SPTBN2: variants seen among roughly 807,000 people sequenced by gnomAD.
SPTBN2 encodes spectrin beta, non-erythrocytic 2.
Under a neutral mutation model 284.2 loss-of-function variants are expected in SPTBN2, and 107 were observed. That is an observed-to-expected ratio of 0.38 (90% CI 0.32 to 0.44). The LOEUF (loss-of-function observed/expected upper bound fraction) is 0.44, where lower values mean the gene tolerates loss of function less well. Among genes scored for constraint, SPTBN2 ranks in the 20% least tolerant of loss-of-function variants. SPTBN2 has a pLI of 1.00. For synonymous variants in SPTBN2, 1,289 were observed against 1,354.8 expected, an observed-to-expected ratio of 0.95 and a Z score of 1.07; for missense variants, 2,569 against 3,287.1, an observed-to-expected ratio of 0.78 and a Z score of 5.34.
Position 66,693,725 on chromosome 11 carries a change from G to C in SPTBN2, c.4593+47C>G. ...CTTAAGAAAAAACACGTCCAAGTCTGGGCAGGCTCCTGGGAACTTCTCTTT... is the reference window on the plus strand; with the variant it reads ...CTTAAGAAAAAACACGTCCAAGTCTCGGCAGGCTCCTGGGAACTTCTCTTT... On this transcript the variant is annotated intron_variant, in intron 23 of 37. Transcript: ENST00000533211. The surrounding 1 kb of genome is among the most constrained non-coding windows in gnomAD (Gnocchi z 5.7). 6.4e-7 allele frequency: 1 copy of C among 1,560,536 alleles called. No individual in the cohort carries two copies. The highest frequency in any genetic ancestry group is 1.2e-5 in the South Asian group (1 of 86,712).
rs767280177 is a variant in SPTBN2 at position 66,698,666 on chromosome 11, G to A, written c.3987C>T (p.Asn1329=). The change falls in exon 20 of 38, where the codon AAC becomes AAT. Residue 1329 remains asparagine (N), a synonymous_variant. Transcript: ENST00000533211. ...TGTCCACCTTGTCCAGCCAGTCTTT[G>A]TTGGCAGCCAGCTCGGCCATGAATG... The part of the protein sequence containing the change: ...HQAFMAELAA[N]KDWLDKVDKE... 2 of 1,614,258 alleles carry A rather than the reference G, an allele frequency of 1.2e-6. No individual in the cohort carries two copies. The highest frequency in any genetic ancestry group is 3.3e-5 in the Admixed American group (2 of 60,036).
Position 66,691,585 on chromosome 11 carries a change from T to C in SPTBN2, c.5264A>G (p.Asn1755Ser). 7.4e-6 allele frequency: 12 copies of C among 1,613,788 alleles called. No homozygotes were observed. The highest frequency in any genetic ancestry group is 5.0e-5 in the Admixed American group (3 of 60,032). Reference sequence around the variant, plus strand: ...AGCAATGAGCCCATTGGCCAGCGCATTGGCGCTATCTACGCGCTCCTGACC... The same window carrying C: ...AGCAATGAGCCCATTGGCCAGCGCACTGGCGCTATCTACGCGCTCCTGACC... ...TIGQERVDSA[N>S]ALANGLIAGG... The change falls in exon 27 of 38, where the codon AAT becomes AGT. Residue 1755 changes from asparagine (N) to serine (S), a missense_variant. Coordinates refer to ENST00000533211, the MANE Select transcript of SPTBN2 (RefSeq NM_006946.4). This position sits in a 1 kb window ranked among gnomAD's most constrained non-coding sequence, Gnocchi z 8.0.
Position 66,700,851 on chromosome 11 carries a change from C to A in SPTBN2, c.3248G>T (p.Arg1083Leu), listed in dbSNP as rs367949397. The A allele has an allele frequency of 6.2e-7, 1 of 1,600,044 alleles. No individual in the cohort carries two copies. The highest frequency in any genetic ancestry group is 1.1e-5 in the South Asian group (1 of 91,072). The change falls in exon 17 of 38, where the codon CGC becomes CTC. Residue 1083 changes from arginine (R) to leucine (L), a missense_variant. By Grantham distance (102) the Arg-to-Leu change is moderately radical. This residue lies in a region of SPTBN2 where 1,012 missense variants were observed against 1,248.9 expected (regional missense o/e 0.81). Coordinates refer to ENST00000533211, the MANE Select transcript of SPTBN2 (RefSeq NM_006946.4). The surrounding 1 kb of genome is among the most constrained non-coding windows in gnomAD (Gnocchi z 6.6). ...SLDDFQAWLG[R>L]TQTAVASEEG... ...TTCAGAGGCCACAGCAGTCTGAGTG[C>A]GGCCTAGCCAGGCCTGGAAGTCATC...
chr11:66,706,527 C>T (rs1008960779), intron 13 of SPTBN2, among the ~76,000 whole-genome samples: 4 of 152,090 alleles, frequency 2.6e-5, no homozygotes, highest in Admixed American at 6.5e-5. Context: ...GATGGGGTTT[C>T]ACCATGTTGG....
intron 37 of SPTBN2, 61 bp from the exon 38 acceptor site, chr11:66,686,165 A>G: frequency 6.5e-7 from 1 of 1,528,614 alleles, no homozygotes; most frequent in Non-Finnish European, 9.0e-7. Flanking sequence ...GCCGCAGTGG[A>G]CAGCAGGGAA....
At position 66,683,302 on chromosome 11, in the gene SPTBN2, G is replaced by A. The variant is rs1038569726; in HGVS notation, c.*2569C>T. Among the ~76,000 whole-genome samples, 2 of 151,960 alleles carry A rather than the reference G, an allele frequency of 1.3e-5. No homozygotes were observed. The highest frequency in any genetic ancestry group is 2.4e-5 in the African/African-American group (1 of 41,358). ...GGGATGGTCTCGATCTCCTGACCTC[G>A]TGATCCGCCCGCCTCGGCCTCCCAA... On this transcript the variant is annotated 3_prime_UTR_variant, in exon 38 of 38. Transcript: ENST00000533211.
chr11:66,726,288 TG>T (rs1286025438), intron 1 of SPTBN2, among the ~76,000 whole-genome samples: 2 of 152,226 alleles, frequency 1.3e-5, no homozygotes, highest in African/African-American at 4.8e-5. Context: ...AGCTCAGGTC[TG>T]GGGATTCTCA....
intron 37 of SPTBN2, 62 bp downstream of exon 37, chr11:66,686,336 G>A (rs776340119): frequency 6.3e-7 from 1 of 1,595,012 alleles, no homozygotes; most frequent in Non-Finnish European, 8.6e-7. Flanking sequence ...GAAAGAAGGG[G>A]AGTCTGCAGC....
intron 1 of SPTBN2, among the ~76,000 whole-genome samples, chr11:66,742,912 G>A (rs760103717): frequency 1.6e-4 from 24 of 152,148 alleles, no homozygotes; most frequent in Admixed American, 4.6e-4. Flanking sequence ...GCCCGGCCAC[G>A]ATGGGAAATA....
Position 66,687,305 on chromosome 11 carries a change from C to T in SPTBN2, c.6722+122G>A. 3.9e-6 allele frequency: 6 copies of T among 1,538,946 alleles called. No individual in the cohort carries two copies. The highest frequency in any genetic ancestry group is 4.4e-6 in the Non-Finnish European group (5 of 1,129,228). The stretch of plus-strand genomic sequence containing the variant: ...CACCCTCTGGTCCTCCCCTGAGGCC[C>T]CGCTCTGGTCCCAAGTCCTACCCTT... On this transcript the variant is annotated intron_variant, in intron 35 of 37. Coordinates refer to ENST00000533211, the MANE Select transcript of SPTBN2 (RefSeq NM_006946.4). This position sits in a 1 kb window ranked among gnomAD's most constrained non-coding sequence, Gnocchi z 5.2.
At chr11:66,720,369 G>A (rs1030684217) in intron 3 of SPTBN2, among the ~76,000 whole-genome samples, 3 of 152,190 alleles carry the variant, frequency 2.0e-5, no homozygotes, top group Non-Finnish European at 4.4e-5. Context: ...GGGTGAGTCA[G>A]CCCCATGCCA....
At chr11:66,736,059 A>G (rs1308047062) in intron 1 of SPTBN2, among the ~76,000 whole-genome samples, 3 of 152,196 alleles carry the variant, frequency 2.0e-5, no homozygotes, top group Admixed American at 2.0e-4. Context: ...ATGGTTTGCA[A>G]AGGATAATCA....
chr11:66,709,326 C>T lies in SPTBN2; in HGVS notation c.1074-307G>A, dbSNP rs563492498. 3.3e-5 allele frequency among the ~76,000 whole-genome samples: 5 copies of T among 151,974 alleles called. No homozygotes were observed. The East Asian group carries it at 9.7e-4, about 29-fold the overall frequency. On this transcript the variant is annotated intron_variant, in intron 10 of 37. Transcript: ENST00000533211. ...CCGAGTAGCTGGGATTACAGGCATGCACCACCACACCTGGCTAATTTATGT... is the reference window on the plus strand; with the variant it reads ...CCGAGTAGCTGGGATTACAGGCATGTACCACCACACCTGGCTAATTTATGT...
rs933215714 is a variant in SPTBN2, at chr11:66,711,484, G to A, written c.773-455C>T. Among the ~76,000 whole-genome samples the A allele has an allele frequency of 2.0e-5, 3 of 152,174 alleles. No individual in the cohort carries two copies. In the East Asian group the frequency reaches 5.8e-4, roughly 29 times the overall value. ...CAGATCGATGGGCCCTGTGATCCCT[G>A]CAGCTCAGTGGGGACAGAGGCCAGC... On this transcript the variant is annotated intron_variant, in intron 8 of 37. Transcript: ENST00000533211.
intron 1 of SPTBN2, among the ~76,000 whole-genome samples, chr11:66,742,224 A>G (rs1047564739): frequency 2.0e-5 from 3 of 152,242 alleles, no homozygotes; most frequent in Non-Finnish European, 2.9e-5. Flanking sequence ...CTTAAGATGA[A>G]TAAGAAAAAG....
At chr11:66,689,228 T>C (rs1940366369) in intron 29 of SPTBN2, 48 bp from the exon 30 acceptor site, 1 of 1,567,840 alleles carries the variant, frequency 6.4e-7, no homozygotes, top group South Asian at 1.2e-5. Context: ...ATGTGAGATC[T>C]TTCCACGGCC....
At chr11:66,714,428 G>A (rs1942040495) in intron 5 of SPTBN2, 21 bp from the exon 6 acceptor site, 1 of 1,600,122 alleles carries the variant, frequency 6.2e-7, no homozygotes, top group Non-Finnish European at 8.6e-7. Context: ...AGCAAGCAGG[G>A]CCCTCAGTCC....
intron 1 of SPTBN2, among the ~76,000 whole-genome samples, chr11:66,744,217 G>A (rs1942933460): frequency 6.6e-6 from 1 of 151,792 alleles, no homozygotes; most frequent in South Asian, 2.1e-4. Context: ...CCCAAAAATT[G>A]CCGAGATATG....
At position 66,684,654 on chromosome 11, in the gene SPTBN2, A is replaced by G. The variant is rs1939997512; in HGVS notation, c.*1217T>C. Among the ~76,000 whole-genome samples the G allele has an allele frequency of 6.6e-6, 1 of 151,214 alleles. No homozygotes were observed. The highest frequency in any genetic ancestry group is 2.1e-4 in the South Asian group (1 of 4,794). Reference sequence around the variant, plus strand: ...TGTCTCAAAAAAAAAAAAAAAAAAGAATATATATTATCCTCTGTGTGTATA... The same window carrying G: ...TGTCTCAAAAAAAAAAAAAAAAAAGGATATATATTATCCTCTGTGTGTATA... On this transcript the variant is annotated 3_prime_UTR_variant, in exon 38 of 38. Transcript: ENST00000533211.
Sources: gnomAD v4.1 joint callset for allele counts (sites outside exome capture counted in the v4.1 genomes callset) on GRCh38, gnomAD v4.1.1 for gene constraint, gnomAD v4.1.1 regional missense constraint, Gnocchi (gnomAD v3.1) non-coding constraint, MANE v1.5 for transcripts, NCBI Gene and HGNC (gene_info 2026-07-23, HGNC 2026-07-21) for gene names.